The following ANK3 variants were observed in gnomAD, a reference collection of about 807,000 sequenced individuals.
ANK3 encodes the protein ankyrin-3.
Under a neutral mutation model 370.9 loss-of-function variants are expected in ANK3, and 57 were observed. That is an observed-to-expected ratio of 0.15 (90% CI 0.12 to 0.19). The LOEUF (loss-of-function observed/expected upper bound fraction) is 0.19, where lower values mean the gene tolerates loss of function less well. ANK3 is among the 10% of genes least tolerant of loss of function. ANK3 has a pLI of 1.00. For synonymous variants in ANK3, 1,929 were observed against 1,946.3 expected, an observed-to-expected ratio of 0.99 and a Z score of 0.23; for missense variants, 4,439 against 5,302.1, an observed-to-expected ratio of 0.84 and a Z score of 5.06.
At chr10:60,648,766 T>TAAAAA (rs2078746324) in intron 1 of ANK3, among the ~76,000 whole-genome samples, 1 of 32,288 alleles carries the variant, frequency 3.1e-5, no homozygotes, top group Admixed American at 3.3e-4. Flanking sequence ...TAAGACTGTC[T>TAAAAA]TAAAAAAAAA....
chr10:60,600,049 A>G (rs2078039072), intron 2 of ANK3, among the ~76,000 whole-genome samples: 1 of 152,118 alleles, frequency 6.6e-6, no homozygotes, highest in Admixed American at 6.6e-5. Flanking sequence ...GCTTTAAATA[A>G]CCCCAGTTTG....
In ANK3 at chr10:60,185,254, A is replaced by G. The variant is rs535901007; in HGVS notation, c.2085+1461T>C. The stretch of plus-strand genomic sequence containing the variant: ...GTCTCCTGTATATGTCTTTTGGTCT[A>G]TAGAATTTGTTAAATAATAACCTTG... On this transcript the variant is annotated intron_variant, in intron 17 of 43. Coordinates refer to ENST00000280772, the MANE Select transcript of ANK3 (RefSeq NM_020987.5). Among the ~76,000 whole-genome samples, 19 of 152,352 alleles carry G rather than the reference A, an allele frequency of 1.2e-4. 1 individual carries two copies. The highest frequency in any genetic ancestry group is 4.3e-4 in the African/African-American group (18 of 41,584).
intron 2 of ANK3, among the ~76,000 whole-genome samples, chr10:60,455,248 T>C (rs539724776): frequency 1.1e-4 from 17 of 152,350 alleles, no homozygotes; most frequent in African/African-American, 3.6e-4. Flanking sequence ...CTAGGCATTA[T>C]AGATAATAAT....
intron 1 of ANK3, among the ~76,000 whole-genome samples, chr10:60,373,048 T>C (rs1181580406): frequency 6.6e-6 from 1 of 152,242 alleles, no homozygotes; most frequent in Non-Finnish European, 1.5e-5. Context: ...ATCTCCATCA[T>C]ATGAATTTGA....
intron 2 of ANK3, among the ~76,000 whole-genome samples, chr10:60,553,291 T>G (rs894156893): frequency 6.6e-6 from 1 of 150,428 alleles, no homozygotes; most frequent in Non-Finnish European, 1.5e-5. Flanking sequence ...AGGTTAAGCT[T>G]GATCACTAGT....
intron 1 of ANK3, among the ~76,000 whole-genome samples, chr10:60,688,129 G>C (rs1295646999): frequency 1.3e-5 from 2 of 152,062 alleles, no homozygotes; most frequent in African/African-American, 4.8e-5. Flanking sequence ...GAGTGCAGTG[G>C]CGTGGTCTCG....
chr10:60,574,657 C>A (rs557064448), intron 2 of ANK3, among the ~76,000 whole-genome samples: 4 of 152,116 alleles, frequency 2.6e-5, no homozygotes, highest in Non-Finnish European at 5.9e-5. Flanking sequence ...CTGCTTCTAC[C>A]GCTCATTGAC....
intron 7 of ANK3, among the ~76,000 whole-genome samples, chr10:60,248,522 T>C (rs1275784475): frequency 6.6e-6 from 1 of 151,870 alleles, no homozygotes; most frequent in Non-Finnish European, 1.5e-5. Flanking sequence ...GAAAAAGAGT[T>C]CTGCTACAAA....
chr10:60,547,345 C>T (rs1438307222), intron 2 of ANK3, among the ~76,000 whole-genome samples: 1 of 152,118 alleles, frequency 6.6e-6, no homozygotes, highest in Admixed American at 6.5e-5. Context: ...CTCGCTTCGG[C>T]CTCCCAAAGT....
intron 26 of ANK3, 46 bp from the exon 27 acceptor site, chr10:60,109,100 G>A (rs1157504389): frequency 2.1e-6 from 3 of 1,459,936 alleles, no homozygotes; most frequent in South Asian, 1.2e-5. Context: ...GAAATAAACT[G>A]TGCTCACAGC....
intron 9 of ANK3, among the ~76,000 whole-genome samples, chr10:60,211,892 C>CAAAAAAAA (rs72238553): frequency 1.6e-4 from 15 of 93,362 alleles, no homozygotes; most frequent in East Asian, 6.5e-4. Context: ...AATACAGAGC[C>CAAAAAAAA]AAAAAAAAAA....
intron 1 of ANK3, among the ~76,000 whole-genome samples, chr10:60,625,847 C>T (rs10994435): frequency 0.12 from 18,237 of 152,022 alleles, 1,498 homozygotes; most frequent in East Asian, 0.27. Context: ...GATATTTTGA[C>T]CCTAAAAACT....
chr10:60,238,834 C>T (rs989275180), intron 7 of ANK3, among the ~76,000 whole-genome samples: 2 of 151,876 alleles, frequency 1.3e-5, no homozygotes, highest in African/African-American at 4.8e-5. Flanking sequence ...ATGCTCATTT[C>T]CAGGTAAAAA....
intron 2 of ANK3, among the ~76,000 whole-genome samples, chr10:60,526,995 A>G (rs2076488635): frequency 6.6e-6 from 1 of 152,134 alleles, no homozygotes; most frequent in South Asian, 2.1e-4. Context: ...ATACACGTAT[A>G]TATACATACA....
intron 2 of ANK3, among the ~76,000 whole-genome samples, chr10:60,472,321 C>T (rs2133084687): frequency 6.6e-6 from 1 of 152,146 alleles, no homozygotes; most frequent in South Asian, 2.1e-4. Context: ...AAAAAAAATC[C>T]CTTGATAATT....
chr10:60,444,457 T>C (rs1405144792), intron 2 of ANK3, among the ~76,000 whole-genome samples: 1 of 151,156 alleles, frequency 6.6e-6, no homozygotes, highest in Non-Finnish European at 1.5e-5. Flanking sequence ...TATATATATA[T>C]ATATATAAAG....
intron 2 of ANK3, among the ~76,000 whole-genome samples, chr10:60,439,808 T>C (rs1277238528): frequency 6.6e-6 from 1 of 152,252 alleles, no homozygotes; most frequent in African/African-American, 2.4e-5. Context: ...TCCAATGACA[T>C]CTGAAGTTCT....
rs2132441419 is a variant in ANK3 at position 60,207,974 on chromosome 10, T to C, written c.1194+62A>G. The stretch of plus-strand genomic sequence containing the variant: ...ACCTCCTCAAAGCATTCCCTTCACA[T>C]ACAGAGGCAGCACGTTGTGAGCAAG... On this transcript the variant is annotated intron_variant, in intron 10 of 43. Coordinates refer to ENST00000280772, the MANE Select transcript of ANK3 (RefSeq NM_020987.5). 4.2e-6 allele frequency: 6 copies of C among 1,426,390 alleles called. No individual in the cohort carries two copies. The Admixed American group carries it at 8.4e-5, about 20-fold the overall frequency. The allele number at this position is 1,426,390 out of a possible 1,614,324, so 88.4% of individuals were successfully genotyped here. A position where few individuals can be genotyped will look rare whatever the true frequency, so the allele number is the denominator to read the frequency against.
At chr10:60,489,321 C>T (rs1377416617) in intron 2 of ANK3, among the ~76,000 whole-genome samples, 1 of 152,154 alleles carries the variant, frequency 6.6e-6, no homozygotes, top group Non-Finnish European at 1.5e-5. Context: ...GGAGCCAAGA[C>T]TAATACACTA....
Sources: allele counts gnomAD v4.1 joint callset (sites outside exome capture counted in the v4.1 genomes callset), GRCh38; gene constraint gnomAD v4.1.1; transcripts MANE v1.5; gene names NCBI Gene and HGNC (gene_info 2026-07-23, HGNC 2026-07-21).